DLG2: variants seen among roughly 807,000 people sequenced by gnomAD.
DLG2 encodes the protein discs large MAGUK scaffold protein 2, also known as disks large homolog 2.
DLG2 carries 45 observed loss-of-function variants against 132.5 expected under a neutral mutation model. That is an observed-to-expected ratio of 0.34 (90% CI 0.27 to 0.44). The LOEUF (loss-of-function observed/expected upper bound fraction) is 0.44, where lower values mean the gene tolerates loss of function less well. Among genes scored for constraint, DLG2 ranks in the 20% least tolerant of loss-of-function variants. The pLI is 1.00. For synonymous variants in DLG2, 424 were observed against 419.6 expected (o/e 1.01, Z -0.13); for missense variants, 1,045 against 1,196.9 (o/e 0.87, Z 1.87).
intron 11 of DLG2, among the ~76,000 whole-genome samples, chr11:83,997,849 A>G (rs1054250680): frequency 2.7e-5 from 4 of 150,142 alleles, no homozygotes; most frequent in Admixed American, 2.7e-4. Context: ...TTAGATACTG[A>G]GAATATTGAA....
At chr11:85,493,960 C>A (rs904422670) in intron 3 of DLG2, among the ~76,000 whole-genome samples, 1 of 152,106 alleles carries the variant, frequency 6.6e-6, no homozygotes, top group African/African-American at 2.4e-5. Flanking sequence ...GAGGGCTGCT[C>A]TATATTTCCA....
rs1599809941 is a variant in DLG2 at position 84,319,681 on chromosome 11, C to T, written c.520-68390G>A. Among the ~76,000 whole-genome samples, 4 of 152,296 alleles carry T rather than the reference C, an allele frequency of 2.6e-5. No individual in the cohort carries two copies. The South Asian group carries it at 8.3e-4, about 32-fold the overall frequency. The stretch of plus-strand genomic sequence containing the variant: ...TTAAATCTGTTATGAATGGGTTGTT[C>T]AGAATGCGCAATTTCTTCCCATCAC... On this transcript the variant is annotated intron_variant, in intron 7 of 27. Transcript: ENST00000376104.
intron 3 of DLG2, among the ~76,000 whole-genome samples, chr11:85,534,115 G>T (rs2075406242): frequency 6.6e-6 from 1 of 151,966 alleles, no homozygotes; most frequent in Non-Finnish European, 1.5e-5. Flanking sequence ...AGTCTCCCGA[G>T]TAGCTGGGAC....
At chr11:84,222,536 G>C (rs1402086233) in intron 8 of DLG2, among the ~76,000 whole-genome samples, 1 of 152,112 alleles carries the variant, frequency 6.6e-6, no homozygotes, top group Non-Finnish European at 1.5e-5. Flanking sequence ...AACAATTATA[G>C]TACTATCTAA....
intron 6 of DLG2, among the ~76,000 whole-genome samples, chr11:84,655,668 A>C (rs2099687265): frequency 6.6e-6 from 1 of 151,912 alleles, no homozygotes; most frequent in Non-Finnish European, 1.5e-5. Flanking sequence ...GAGCAATTCA[A>C]AATCTCTCTA....
intron 15 of DLG2, among the ~76,000 whole-genome samples, chr11:83,883,445 G>A (rs1027210258): frequency 6.6e-6 from 1 of 152,084 alleles, no homozygotes; most frequent in Non-Finnish European, 1.5e-5. Context: ...ATTTAGGTAA[G>A]AATTAAAAGT....
chr11:85,381,105 T>C (rs549425744), intron 3 of DLG2, among the ~76,000 whole-genome samples: 9 of 152,342 alleles, frequency 5.9e-5, no homozygotes, highest in African/African-American at 1.9e-4. Flanking sequence ...GTATAAGAGA[T>C]ACCATCAGGA....
intron 3 of DLG2, among the ~76,000 whole-genome samples, chr11:85,315,242 G>A (rs2080579491): frequency 6.6e-6 from 1 of 151,950 alleles, no homozygotes; most frequent in African/African-American, 2.4e-5. Flanking sequence ...AAGTGTCCCA[G>A]GCTAGCATTA....
At chr11:83,572,507 G>C (rs942276716) in intron 19 of DLG2, among the ~76,000 whole-genome samples, 2 of 152,164 alleles carry the variant, frequency 1.3e-5, no homozygotes, top group Non-Finnish European at 2.9e-5. Context: ...TAAGAAAAAA[G>C]TAAGATGATA....
chr11:85,303,673 C>T (rs546454047), intron 3 of DLG2, among the ~76,000 whole-genome samples: 1 of 151,994 alleles, frequency 6.6e-6, no homozygotes, highest in East Asian at 1.9e-4. Flanking sequence ...TGTCTGTGTG[C>T]GTATGCAGTA....
At chr11:83,653,706 G>A (rs1342998300) in intron 18 of DLG2, among the ~76,000 whole-genome samples, 5 of 152,090 alleles carry the variant, frequency 3.3e-5, no homozygotes, top group Admixed American at 6.6e-5. Context: ...AATAAATCAC[G>A]TTAAGAGGTA....
At position 84,078,301 on chromosome 11, in the gene DLG2, C is replaced by T. The variant is rs140597012; in HGVS notation, c.750-18817G>A. On this transcript the variant is annotated intron_variant, in intron 10 of 27. Coordinates refer to ENST00000376104, the MANE Select transcript of DLG2 (RefSeq NM_001142699.3). ...AACTGAATTCCTTCCAAGTTATATGCTCTGAATCCTGTGACCTATAATTAA... is the reference window on the plus strand; with the variant it reads ...AACTGAATTCCTTCCAAGTTATATGTTCTGAATCCTGTGACCTATAATTAA... Among the ~76,000 whole-genome samples, 419 of 152,232 alleles carry T rather than the reference C, an allele frequency of 2.8e-3. 1 individual carries two copies. The highest frequency in any genetic ancestry group is 8.9e-3 in the African/African-American group (370 of 41,558).
chr11:85,105,694 A>T (rs550889150), intron 6 of DLG2, among the ~76,000 whole-genome samples: 1 of 151,960 alleles, frequency 6.6e-6, no homozygotes, highest in Admixed American at 6.6e-5. Context: ...GCTTCGATTT[A>T]TAAGAGGACT....
chr11:84,377,329 G>C (rs1386017352), intron 7 of DLG2, among the ~76,000 whole-genome samples: 1 of 151,912 alleles, frequency 6.6e-6, no homozygotes, highest in Non-Finnish European at 1.5e-5. Context: ...CTAGATTAAA[G>C]GGAATTTAAA....
intron 21 of DLG2, 113 bp downstream of exon 21, chr11:83,532,595 T>C (rs1229736006): frequency 1.7e-5 from 14 of 816,848 alleles, no homozygotes; most frequent in Non-Finnish European, 2.9e-5. Context: ...ATAACAGTGC[T>C]CTACTGTCTG....
At chr11:83,662,926 CT>C (rs2074687684) in intron 18 of DLG2, among the ~76,000 whole-genome samples, 1 of 152,162 alleles carries the variant, frequency 6.6e-6, no homozygotes, top group South Asian at 2.1e-4. Context: ...CCACAGTCCA[CT>C]GTTGGTCTCT....
intron 19 of DLG2, among the ~76,000 whole-genome samples, chr11:83,572,770 T>G (rs537629629): frequency 6.6e-6 from 1 of 152,284 alleles, no homozygotes; most frequent in South Asian, 2.1e-4. Flanking sequence ...TCACTCTTTG[T>G]TGGATGGGTC....
chr11:84,751,513 G>A (rs1477843350), intron 6 of DLG2, among the ~76,000 whole-genome samples: 1 of 151,994 alleles, frequency 6.6e-6, no homozygotes, highest in Non-Finnish European at 1.5e-5. Flanking sequence ...CTCTTTCTCT[G>A]TGTGGTGACG....
intron 6 of DLG2, among the ~76,000 whole-genome samples, chr11:84,571,887 C>T (rs1362813215): frequency 1.3e-5 from 2 of 152,058 alleles, no homozygotes; most frequent in Non-Finnish European, 2.9e-5. Context: ...TAACCAGTTT[C>T]ACTTACTGCA....
Sources: gnomAD v4.1 joint callset for allele counts (sites outside exome capture counted in the v4.1 genomes callset) on GRCh38, gnomAD v4.1.1 for gene constraint, MANE v1.5 for transcripts, NCBI Gene and HGNC (gene_info 2026-07-23, HGNC 2026-07-21) for gene names.